Variants in SERAC1 observed in about 807,000 individuals in gnomAD.
SERAC1 encodes serine active site containing 1.
A neutral mutation model predicts 85.7 loss-of-function variants in SERAC1; 36 were observed. That is an observed-to-expected ratio of 0.42 (90% CI 0.32 to 0.55). The LOEUF (loss-of-function observed/expected upper bound fraction) is 0.55, where lower values mean the gene tolerates loss of function less well. SERAC1 is among the 20% of genes least tolerant of loss of function. The pLI is 0.11. For synonymous variants in SERAC1, 242 were observed against 265.3 expected, an observed-to-expected ratio of 0.91 and a Z score of 0.85; for missense variants, 629 against 796.2, an observed-to-expected ratio of 0.79 and a Z score of 2.53.
intron 6 of SERAC1, 126 bp from the exon 7 acceptor site, chr6:158,144,546 T>G: frequency 1.2e-6 from 1 of 856,494 alleles, no homozygotes; most frequent in Non-Finnish European, 1.7e-6. Flanking sequence ...TAATCCAAAA[T>G]TTCCCAAGTG....
chr6:158,127,662 C>T (rs62437109), intron 10 of SERAC1, among the ~76,000 whole-genome samples: 1 of 1,462 alleles, frequency 6.8e-4, no homozygotes, highest in Non-Finnish European at 1.6e-3. Context: ...AGAAAAATTC[C>T]TCTGCCTTGG....
intron 12 of SERAC1, 109 bp downstream of exon 12, chr6:158,118,920 A>G: frequency 7.6e-7 from 1 of 1,322,440 alleles, no homozygotes; most frequent in Non-Finnish European, 1.0e-6. Context: ...GGAAAGAAGA[A>G]CTGCATGGGA....
intron 1 of SERAC1, among the ~76,000 whole-genome samples, chr6:158,159,750 G>A (rs995486412): frequency 2.7e-5 from 4 of 150,810 alleles, no homozygotes; most frequent in African/African-American, 4.9e-5. Context: ...TCAGCCTACC[G>A]AGCAGCTGGG....
chr6:158,119,847 A>AT lies in SERAC1; in HGVS notation c.1166+577dup, dbSNP rs1176942723. Among the ~76,000 whole-genome samples the AT allele has an allele frequency of 6.6e-6, 1 of 152,150 alleles. No individual in the cohort carries two copies. Among genetic ancestry groups the AT allele is most frequent in the African/African-American group, 2.4e-5 (1 of 41,436 alleles). ...CCCTAAGAAAACCAAGAAATATGTT[A>AT]TTTTTTCAGTGTGGTCCCTTCTATA... On this transcript the variant is annotated intron_variant, in intron 11 of 16. Transcript: ENST00000647468. The surrounding 1 kb of genome is among the most constrained non-coding windows in gnomAD (Gnocchi z 4.5).
intron 8 of SERAC1, among the ~76,000 whole-genome samples, chr6:158,142,568 C>T (rs552420623): frequency 2.0e-5 from 3 of 152,134 alleles, no homozygotes; most frequent in Admixed American, 6.6e-5. Context: ...CCTCCGCCTC[C>T]CGGGTTCAAG....
chr6:158,111,608 G>A, intron 16 of SERAC1, 106 bp from the exon 17 acceptor site: 1 of 810,194 alleles, frequency 1.2e-6, no homozygotes, highest in East Asian at 2.9e-5. Flanking sequence ...CTTTGGTTGT[G>A]ACAAGGGACT....
At position 158,149,088 on chromosome 6, in the gene SERAC1, C is replaced by G. The variant is rs1785143459; in HGVS notation, c.266-134G>C. The stretch of plus-strand genomic sequence containing the variant: ...CACTGCAAGCTCTGCCTCCCGGGTT[C>G]ACCCCATTCTCCTGCTTCACAGCCT... On this transcript the variant is annotated intron_variant, in intron 4 of 16. Coordinates refer to ENST00000647468, the MANE Select transcript of SERAC1 (RefSeq NM_032861.4). 1.2e-5 allele frequency: 7 copies of G among 590,240 alleles called. No homozygotes were observed. The South Asian group carries it at 1.6e-4, about 13-fold the overall frequency. The allele number at this position is 590,240 out of a possible 1,614,324, so 36.6% of individuals were successfully genotyped here.
intron 10 of SERAC1, among the ~76,000 whole-genome samples, chr6:158,124,615 CAG>C (rs1784493915): frequency 6.6e-6 from 1 of 151,890 alleles, no homozygotes; most frequent in African/African-American, 2.4e-5. Context: ...AAAAATCAAA[CAG>C]AAAGATCTTA....
At chr6:158,161,223 A>T (rs1428588763) in intron 1 of SERAC1, 3 of 152,086 alleles carry the variant, frequency 2.0e-5, no homozygotes, top group Non-Finnish European at 4.4e-5. Context: ...TCTCCAAAAA[A>T]ATTTAAAAAA....
chr6:158,122,707 G>C (rs1784450502), intron 10 of SERAC1, among the ~76,000 whole-genome samples: 1 of 152,190 alleles, frequency 6.6e-6, no homozygotes. Flanking sequence ...TTGAACCCGG[G>C]AGGTGGAGGT....
At chr6:158,134,307 C>G (rs914971879) in intron 8 of SERAC1, among the ~76,000 whole-genome samples, 1 of 152,218 alleles carries the variant, frequency 6.6e-6, no homozygotes, top group Admixed American at 6.5e-5. Flanking sequence ...ATGAGCTTAC[C>G]TAGCCCAGAA....
intron 2 of SERAC1, among the ~76,000 whole-genome samples, chr6:158,156,829 AT>A (rs1185097632): frequency 7.5e-6 from 1 of 133,732 alleles, no homozygotes; most frequent in African/African-American, 2.9e-5. Flanking sequence ...ATATATTAAT[AT>A]ATTATATAAA....
Position 158,128,199 on chromosome 6 carries a change from G to C in SERAC1, c.924C>G (p.His308Gln). ...TTCTCTGTACTTTAGGGCAGTCCTTGTGAAGTCGGTACAGCCTCTGAAGTA... is the reference window on the plus strand; with the variant it reads ...TTCTCTGTACTTTAGGGCAGTCCTTCTGAAGTCGGTACAGCCTCTGAAGTA... Reference protein sequence around the residue: ...LQLLQRLYRLHKDCPKVQRNI... With the variant: ...LQLLQRLYRLQKDCPKVQRNI... The change falls in exon 10 of 17, where the codon CAC becomes CAG. Residue 308 changes from histidine (H) to glutamine (Q), a missense_variant. His to Gln is a conservative substitution (Grantham distance 24, BLOSUM62 0). Transcript: ENST00000647468. The C allele has an allele frequency of 1.2e-6, 2 of 1,614,134 alleles. No individual in the cohort carries two copies. The highest frequency in any genetic ancestry group is 2.2e-5 in the South Asian group (2 of 91,076).
At chr6:158,143,963 C>G (rs990662817) in intron 7 of SERAC1, among the ~76,000 whole-genome samples, 1 of 152,154 alleles carries the variant, frequency 6.6e-6, no homozygotes, top group Non-Finnish European at 1.5e-5. Context: ...AAAGGATTAT[C>G]TGGCCCAAAA....
intron 10 of SERAC1, among the ~76,000 whole-genome samples, chr6:158,127,398 A>G (rs1326103281): frequency 2.2e-4 from 13 of 59,440 alleles, no homozygotes; most frequent in East Asian, 1.0e-3. Flanking sequence ...CTGCCCGGCC[A>G]GCCGCCCCGT....
At chr6:158,166,591 A>C (rs1222214490) in intron 1 of SERAC1, among the ~76,000 whole-genome samples, 11 of 152,186 alleles carry the variant, frequency 7.2e-5, no homozygotes, top group Admixed American at 7.2e-4. Context: ...GAAAACTGAC[A>C]TCTTTTTGTT....
At chr6:158,156,983 A>G (rs1247750432) in intron 2 of SERAC1, among the ~76,000 whole-genome samples, 1 of 91,510 alleles carries the variant, frequency 1.1e-5, no homozygotes, top group Non-Finnish European at 2.3e-5. Context: ...TATATATAAT[A>G]AATACATATA....
At chr6:158,152,553 G>C (rs1583602295) in intron 3 of SERAC1, among the ~76,000 whole-genome samples, 1 of 152,028 alleles carries the variant, frequency 6.6e-6, no homozygotes, top group African/African-American at 2.4e-5. Flanking sequence ...TAAGTACACA[G>C]TGTTGATAAA....
rs1460612681 is a variant in SERAC1, at chr6:158,163,723, A to AG, written c.-2+4416dup. Reference sequence around the variant, plus strand: ...AAACACTGCACTGTTTAGATTATGTAGGTTTTTTGTTGTTTTTTGTTTTCT... The same window carrying AG: ...AAACACTGCACTGTTTAGATTATGTAGGGTTTTTTGTTGTTTTTTGTTTTCT... On this transcript the variant is annotated intron_variant, in intron 1 of 16. Coordinates refer to ENST00000647468, the MANE Select transcript of SERAC1 (RefSeq NM_032861.4). 2.0e-3 allele frequency among the ~76,000 whole-genome samples: 258 copies of AG among 127,386 alleles called. 1 individual carries two copies. Among genetic ancestry groups the AG allele is most frequent in the African/African-American group, 7.1e-3 (246 of 34,870 alleles). The allele number at this position is 127,386 out of a possible 152,430, so 83.6% of individuals were successfully genotyped here.
Sources: gnomAD v4.1 joint callset for allele counts (sites outside exome capture counted in the v4.1 genomes callset) on GRCh38, gnomAD v4.1.1 for gene constraint, Gnocchi (gnomAD v3.1) non-coding constraint, MANE v1.5 for transcripts, NCBI Gene and HGNC (gene_info 2026-07-23, HGNC 2026-07-21) for gene names.